ITGA8: variants seen among roughly 807,000 people sequenced by gnomAD.
ITGA8 encodes integrin subunit alpha 8.
A neutral mutation model predicts 142.3 loss-of-function variants in ITGA8; 91 were observed. The observed-to-expected ratio is 0.64, with a 90% CI of 0.54 to 0.76. The LOEUF is 0.76. Ranked by LOEUF, ITGA8 falls within the 30% of genes least tolerant of loss-of-function variation. ITGA8 has a pLI of 0.00. For synonymous variants in ITGA8, 505 were observed against 485.2 expected (o/e 1.04, Z -0.54); for missense variants, 1,406 against 1,327.7 (o/e 1.06, Z -0.92).
At chr10:15,660,718 G>A (rs548526534) in intron 9 of ITGA8, among the ~76,000 whole-genome samples, 161 bp downstream of exon 9, 8 of 152,298 alleles carry the variant, frequency 5.3e-5, no homozygotes, top group Admixed American at 6.5e-5. Flanking sequence ...CATGTTTAAG[G>A]TAGGTTAGGT....
chr10:15,577,589 G>A (rs1246743876), intron 23 of ITGA8, among the ~76,000 whole-genome samples: 1 of 151,858 alleles, frequency 6.6e-6, no homozygotes, highest in African/African-American at 2.4e-5. Flanking sequence ...AAAAAGCATG[G>A]CTCACAAAAT....
At chr10:15,555,979 T>A (rs1176489867) in intron 26 of ITGA8, among the ~76,000 whole-genome samples, 2 of 143,268 alleles carry the variant, frequency 1.4e-5, no homozygotes, top group Middle Eastern at 3.5e-3. Flanking sequence ...TTCTTATTAC[T>A]CATTTGCCCT....
chr10:15,712,443 A>G (rs1835379391), intron 2 of ITGA8, among the ~76,000 whole-genome samples: 1 of 151,952 alleles, frequency 6.6e-6, no homozygotes. Context: ...AAAACAAAAA[A>G]TCACACAACT....
At chr10:15,535,503 C>T (rs1833411739) in intron 27 of ITGA8, among the ~76,000 whole-genome samples, 1 of 152,198 alleles carries the variant, frequency 6.6e-6, no homozygotes, top group Non-Finnish European at 1.5e-5. Context: ...CACCAATCAG[C>T]ACCCTGTGTC....
intron 10 of ITGA8, among the ~76,000 whole-genome samples, chr10:15,657,137 T>G (rs1227655057): frequency 1.3e-5 from 2 of 152,206 alleles, no homozygotes; most frequent in Non-Finnish European, 2.9e-5. Flanking sequence ...TTTATCACCT[T>G]CTGAGGTTCA....
intron 13 of ITGA8, among the ~76,000 whole-genome samples, chr10:15,641,683 C>T (rs1019968309): frequency 9.9e-5 from 15 of 152,122 alleles, no homozygotes; most frequent in Middle Eastern, 3.2e-3. Context: ...GCAGCATTGA[C>T]GGGCCTGCCT....
Position 15,573,612 on chromosome 10 carries a change from G to A in ITGA8, c.2479-1243C>T, listed in dbSNP as rs147339449. Among the ~76,000 whole-genome samples, 48 of 152,094 alleles carry A rather than the reference G, an allele frequency of 3.2e-4. 1 individual carries two copies. Among genetic ancestry groups the A allele is most frequent in the African/African-American group, 1.0e-3 (42 of 41,492 alleles). On this transcript the variant is annotated intron_variant, in intron 24 of 29. Transcript: ENST00000378076. ...CCAGGAGTTGAGGCATCTTCCCTAC[G>A]TTTGTAAACAGTTCATCACTTTTGA...
At chr10:15,631,814 A>C (rs1254972138) in intron 13 of ITGA8, among the ~76,000 whole-genome samples, 1 of 150,458 alleles carries the variant, frequency 6.6e-6, no homozygotes, top group Non-Finnish European at 1.5e-5. Context: ...AGCCATGGCT[A>C]AGCAGCAAAT....
At chr10:15,624,224 A>T (rs1483068426) in intron 13 of ITGA8, among the ~76,000 whole-genome samples, 2 of 152,176 alleles carry the variant, frequency 1.3e-5, no homozygotes, top group African/African-American at 4.8e-5. Context: ...ACTTCTTTGA[A>T]ACACGGTGTT....
chr10:15,678,678 A>T (rs771561498), intron 5 of ITGA8, 44 bp downstream of exon 5: 2 of 1,393,232 alleles, frequency 1.4e-6, no homozygotes, highest in African/African-American at 1.4e-5. Context: ...GGGTAAAAAA[A>T]AATCAGATTA....
chr10:15,661,242 G>T (rs1834280999), intron 8 of ITGA8, among the ~76,000 whole-genome samples: 1 of 152,192 alleles, frequency 6.6e-6, no homozygotes, highest in Non-Finnish European at 1.5e-5. Flanking sequence ...TCTCACCAGA[G>T]TGAGAACCCT....
intron 8 of ITGA8, among the ~76,000 whole-genome samples, chr10:15,667,986 GTATATTCT>G (rs1448254016): frequency 1.3e-5 from 2 of 152,210 alleles, no homozygotes; most frequent in Non-Finnish European, 2.9e-5. Flanking sequence ...TGAAAAGAAT[GTATATTCT>G]GTTGATTTGG....
Position 15,679,699 on chromosome 10 carries a change from A to C in ITGA8, c.569-916T>G, listed in dbSNP as rs566895713. On this transcript the variant is annotated intron_variant, in intron 4 of 29. Transcript: ENST00000378076. The stretch of plus-strand genomic sequence containing the variant: ...CAATGCTAGTGTTCACAAAAGAGAA[A>C]ATTCTAGTAGTGGCTTATCTTGCTT... 1.4e-4 allele frequency among the ~76,000 whole-genome samples: 21 copies of C among 152,338 alleles called. No homozygotes were observed. In the South Asian group the frequency reaches 3.7e-3, roughly 27 times the overall value.
intron 27 of ITGA8, among the ~76,000 whole-genome samples, chr10:15,532,435 A>AAAAAGAAAAG: frequency 1.3e-5 from 2 of 149,340 alleles, no homozygotes; most frequent in Admixed American, 6.6e-5. Flanking sequence ...AAAAAAAAAA[A>AAAAAGAAAAG]AAAAAAAAAA....
intron 9 of ITGA8, among the ~76,000 whole-genome samples, chr10:15,659,457 C>A (rs1469826218): frequency 6.6e-6 from 1 of 152,168 alleles, no homozygotes; most frequent in African/African-American, 2.4e-5. Context: ...ATGCTATCCA[C>A]ATGGCAAAAA....
intron 21 of ITGA8, chr10:15,596,380 G>T (rs1564367050): frequency 6.6e-6 from 1 of 151,948 alleles, no homozygotes. Context: ...ATAAAATAAA[G>T]AAAATACTTG....
chr10:15,615,156 T>C (rs931052697), intron 14 of ITGA8, among the ~76,000 whole-genome samples: 3 of 152,210 alleles, frequency 2.0e-5, no homozygotes, highest in African/African-American at 7.2e-5. Flanking sequence ...GGCATGAAAG[T>C]GGCGGATTGG....
intron 25 of ITGA8, among the ~76,000 whole-genome samples, chr10:15,562,303 T>A (rs563875536): frequency 6.6e-5 from 10 of 152,318 alleles, no homozygotes; most frequent in Admixed American, 2.6e-4. Flanking sequence ...CAGATGCCCC[T>A]GCGAAGCTGG....
At chr10:15,624,293 G>A (rs1281332338) in intron 13 of ITGA8, among the ~76,000 whole-genome samples, 5 of 152,170 alleles carry the variant, frequency 3.3e-5, no homozygotes, top group Non-Finnish European at 7.4e-5. Context: ...CTCAACTCCA[G>A]TTCACTTTGC....
Sources: allele counts gnomAD v4.1 joint callset (sites outside exome capture counted in the v4.1 genomes callset), GRCh38; gene constraint gnomAD v4.1.1; transcripts MANE v1.5; gene names NCBI Gene and HGNC (gene_info 2026-07-23, HGNC 2026-07-21).